Variants in ITIH5 observed in about 807,000 individuals in gnomAD.
The protein encoded by ITIH5 is inter-alpha-trypsin inhibitor heavy chain H5.
Under a neutral mutation model 77.5 loss-of-function variants are expected in ITIH5, and 65 were observed. The ratio of observed to expected loss-of-function variants is 0.84; its 90% CI spans 0.69 to 1.03. ITIH5 has a LOEUF of 1.03. Among genes scored for constraint, ITIH5 ranks in the 50% least tolerant of loss-of-function variants. The probability of loss-of-function intolerance (pLI) is 0.00; values close to 1 mark genes in which losing one functional copy is unlikely to be tolerated. For synonymous variants in ITIH5, 525 were observed against 494.3 expected, an observed-to-expected ratio of 1.06 and a Z score of -0.82; for missense variants, 1,208 against 1,213.1, an observed-to-expected ratio of 1.00 and a Z score of 0.06.
intron 5 of ITIH5, among the ~76,000 whole-genome samples, chr10:7,627,826 CCTTTT>C (rs1833609168): frequency 7.5e-6 from 1 of 133,698 alleles, no homozygotes; most frequent in Non-Finnish European, 1.6e-5. Flanking sequence ...ATGAAATTAA[CCTTTT>C]TTTTTTTTTT....
chr10:7,655,758 G>T, intron 1 of ITIH5, 83 bp from the exon 2 acceptor site: 1 of 1,056,156 alleles, frequency 9.5e-7, no homozygotes, highest in South Asian at 1.3e-5. Context: ...ATTCTCACAT[G>T]AGTTATACAA....
intron 11 of ITIH5, chr10:7,571,476 G>T (rs1051385544): frequency 6.6e-6 from 1 of 152,120 alleles, no homozygotes; most frequent in African/African-American, 2.4e-5. Context: ...GAGTGCAATG[G>T]TGCAATCTCG....
In ITIH5 at chr10:7,617,149, A is replaced by G. The variant is rs765949021; in HGVS notation, c.786T>C (p.Tyr262=). The stretch of plus-strand genomic sequence containing the variant: ...CAATGCTCTGTTCTCTATTGACGTC[A>G]TATCTAATGATAAAGTCTCCCAAAA... ...NGILGDFIIR[Y]DVNREQSIGD... is the part of the protein sequence containing the mutation. Residue 262 remains tyrosine, a synonymous_variant, in exon 6 of 14, where the codon TAT becomes TAC. Transcript: ENST00000397146. 2 of 1,601,772 alleles carry G rather than the reference A, an allele frequency of 1.2e-6. No homozygotes were observed. Among genetic ancestry groups the G allele is most frequent in the Non-Finnish European group, 1.7e-6 (2 of 1,175,986 alleles).
intron 2 of ITIH5, among the ~76,000 whole-genome samples, chr10:7,645,431 G>A (rs1274084458): frequency 6.6e-6 from 1 of 152,112 alleles, no homozygotes; most frequent in Non-Finnish European, 1.5e-5. Context: ...CAAATCCACA[G>A]AATCAGAAAC....
At chr10:7,593,717 C>CT (rs1368988998) in intron 7 of ITIH5, among the ~76,000 whole-genome samples, 1 of 75,750 alleles carries the variant, frequency 1.3e-5, no homozygotes. Context: ...CTGCAGCCAC[C>CT]CAGCCCCACT....
At chr10:7,607,690 G>A (rs139467478) in intron 7 of ITIH5, among the ~76,000 whole-genome samples, 2,266 of 152,332 alleles carry the variant, frequency 0.015, 58 homozygotes, top group African/African-American at 0.052. Flanking sequence ...GCGCATGCCT[G>A]TAATCCCAGC....
intron 4 of ITIH5, among the ~76,000 whole-genome samples, chr10:7,640,506 T>C (rs1350408820): frequency 6.7e-6 from 1 of 150,234 alleles, no homozygotes. Context: ...AACTGCAAAC[T>C]ACATATAGAA....
chr10:7,587,824 A>T (rs898780499), intron 7 of ITIH5, among the ~76,000 whole-genome samples: 1 of 152,150 alleles, frequency 6.6e-6, no homozygotes, highest in Non-Finnish European at 1.5e-5. Context: ...CCCTTGAAAC[A>T]CGCTGTAGGT....
chr10:7,587,293 G>A (rs1245928083), intron 7 of ITIH5, among the ~76,000 whole-genome samples: 1 of 152,226 alleles, frequency 6.6e-6, no homozygotes, highest in Non-Finnish European at 1.5e-5. Context: ...TACTCTAGGG[G>A]CCTAGAAAAG....
At chr10:7,655,602 C>G in intron 2 of ITIH5, 29 bp downstream of exon 2, 4 of 1,579,806 alleles carry the variant, frequency 2.5e-6, no homozygotes, top group Non-Finnish European at 3.5e-6. Context: ...AGGGAATGGA[C>G]TTTCAAGATG....
At chr10:7,566,432 A>G (rs532081770) in intron 12 of ITIH5, 25 bp from the exon 13 acceptor site, 9 of 1,569,256 alleles carry the variant, frequency 5.7e-6, no homozygotes, top group African/African-American at 1.3e-5. Flanking sequence ...GGAAAAGAAG[A>G]AGGTTAGAAA....
At chr10:7,648,415 T>C (rs1005444182) in intron 2 of ITIH5, among the ~76,000 whole-genome samples, 7 of 152,248 alleles carry the variant, frequency 4.6e-5, no homozygotes, top group African/African-American at 1.7e-4. Context: ...CATTAAATTG[T>C]ACACATTGAA....
chr10:7,601,640 T>C (rs1009753434), intron 7 of ITIH5, among the ~76,000 whole-genome samples: 1 of 152,016 alleles, frequency 6.6e-6, no homozygotes, highest in Admixed American at 6.6e-5. Flanking sequence ...TCCTTCCAGG[T>C]GGCCCCAGGA....
intron 2 of ITIH5, 49 bp from the exon 3 acceptor site, chr10:7,642,139 T>G (rs778137329): frequency 1.4e-6 from 2 of 1,462,010 alleles, no homozygotes; most frequent in South Asian, 1.3e-5. Context: ...TGAAAGCATT[T>G]TGGTGGTAGT....
chr10:7,635,631 CG>C (rs756606540), intron 5 of ITIH5, among the ~76,000 whole-genome samples: 23 of 152,148 alleles, frequency 1.5e-4, no homozygotes, highest in Non-Finnish European at 3.4e-4. Context: ...CTGGGTCTCT[CG>C]CAGAGCCAGG....
rs1833001995 is a variant in ITIH5 at position 7,600,921 on chromosome 10, G to C, written c.940-14852C>G. Among the ~76,000 whole-genome samples, 3 of 152,284 alleles carry C rather than the reference G, an allele frequency of 2.0e-5. No individual in the cohort carries two copies. In the South Asian group the frequency reaches 6.2e-4, roughly 32 times the overall value. On this transcript the variant is annotated intron_variant, in intron 7 of 13. Coordinates refer to ENST00000397146, the MANE Select transcript of ITIH5 (RefSeq NM_030569.7). ...CAGACACAGAGTCTGTTGGCATCTT[G>C]ATGTTGGACTTTCCAACCTCTAGAA...
Position 7,576,515 on chromosome 10 carries a change from A to G in ITIH5, c.1916T>C (p.Met639Thr). 2 of 1,611,794 alleles carry G rather than the reference A, an allele frequency of 1.2e-6. No individual in the cohort carries two copies. Among genetic ancestry groups the G allele is most frequent in the Admixed American group, 1.7e-5 (1 of 60,002 alleles). ...CGGTTCGGGTCCCATGGCAGCCGAC[A>G]TGCCGTGGGCCTCCTCCAGGCCATC... Reference protein sequence around the residue: ...RMDGLEEAHGMSAAMGPEPVV... With the variant: ...RMDGLEEAHGTSAAMGPEPVV... Residue 639 changes from methionine to threonine, a missense_variant, in exon 10 of 14, where the codon ATG (methionine) becomes ACG (threonine). By Grantham distance (81) the Met-to-Thr change is moderately conservative (BLOSUM62 -1). Coordinates refer to ENST00000397146, the MANE Select transcript of ITIH5 (RefSeq NM_030569.7).
intron 8 of ITIH5, 47 bp from the exon 9 acceptor site, chr10:7,580,111 C>A: frequency 6.8e-7 from 1 of 1,480,572 alleles, no homozygotes; most frequent in Non-Finnish European, 9.1e-7. Context: ...CACTCACCTC[C>A]GCACTCTGAT....
At chr10:7,637,026 G>T (rs970277399) in intron 5 of ITIH5, among the ~76,000 whole-genome samples, 14 of 152,078 alleles carry the variant, frequency 9.2e-5, no homozygotes, top group African/African-American at 3.4e-4. Context: ...ACTCTAGCCT[G>T]GCGACAGAGG....
Sources: gnomAD v4.1 joint callset for allele counts (sites outside exome capture counted in the v4.1 genomes callset) on GRCh38, gnomAD v4.1.1 for gene constraint, MANE v1.5 for transcripts, NCBI Gene and HGNC (gene_info 2026-07-23, HGNC 2026-07-21) for gene names.